Variants in EML5 observed in about 807,000 individuals in gnomAD.
EML5 encodes the protein EMAP like 5, also known as echinoderm microtubule-associated protein-like 5.
EML5 carries 120 observed loss-of-function variants against 250.0 expected under a neutral mutation model. That is an observed-to-expected ratio of 0.48 (90% CI 0.41 to 0.56). The LOEUF (loss-of-function observed/expected upper bound fraction) is 0.56, where lower values mean the gene tolerates loss of function less well. EML5 is among the 20% of genes least tolerant of loss of function. The pLI is 0.00. For synonymous variants in EML5, 771 were observed against 806.5 expected (o/e 0.96, Z 0.75); for missense variants, 2,006 against 2,437.6 (o/e 0.82, Z 3.73).
intron 14 of EML5, among the ~76,000 whole-genome samples, chr14:88,702,184 T>C (rs2093226106): frequency 6.6e-6 from 1 of 152,098 alleles, no homozygotes; most frequent in African/African-American, 2.4e-5. Flanking sequence ...ATTTAAAAAA[T>C]TAATATCATG....
chr14:88,670,866 G>GA lies in EML5; in HGVS notation c.3125-5378dup, dbSNP rs769084380. Reference sequence around the variant, plus strand: ...AAATAAGATACACTACAAGATTAGAGAAAAAAAAAAAGGATGAAAAGGAAT... The same window carrying GA: ...AAATAAGATACACTACAAGATTAGAGAAAAAAAAAAAAGGATGAAAAGGAAT... On this transcript the variant is annotated intron_variant, in intron 21 of 43. Transcript: ENST00000554922. Among the ~76,000 whole-genome samples the GA allele has an allele frequency of 2.3e-3, 328 of 141,908 alleles. 2 individuals are homozygous for GA. The highest frequency in any genetic ancestry group is 6.5e-3 in the African/African-American group (255 of 38,942). 93.1% of individuals were successfully genotyped at this position (141,908 alleles called of 152,430 possible).
chr14:88,710,556 A>G (rs1179275783), intron 10 of EML5, among the ~76,000 whole-genome samples: 1 of 152,208 alleles, frequency 6.6e-6, no homozygotes, highest in African/African-American at 2.4e-5. Flanking sequence ...TGTGAATTCA[A>G]TTAATACATA....
chr14:88,741,057 G>A (rs1018620035), intron 4 of EML5, among the ~76,000 whole-genome samples: 2 of 152,096 alleles, frequency 1.3e-5, no homozygotes, highest in Admixed American at 6.6e-5. Context: ...CAGTTACTCG[G>A]GAGGCTGAGG....
intron 27 of EML5, among the ~76,000 whole-genome samples, chr14:88,655,288 C>A (rs1296073214): frequency 6.6e-6 from 1 of 152,140 alleles, no homozygotes; most frequent in African/African-American, 2.4e-5. Context: ...ATATATAGAC[C>A]AATGGAACAG....
At position 88,696,868 on chromosome 14, in the gene EML5, C is replaced by T. The variant is rs2093091881; in HGVS notation, c.2323G>A (p.Val775Ile). Reference sequence around the variant, plus strand: ...TTACCTGAGAAATCAACGGCACTAACACCATACTGGTGGTGGCCCTTTAAT... The same window carrying T: ...TTACCTGAGAAATCAACGGCACTAATACCATACTGGTGGTGGCCCTTTAAT... ...SILKGHHQYGVSAVDFSADGK... is the reference protein window; with the variant it reads ...SILKGHHQYGISAVDFSADGK... The change falls in exon 15 of 44, where the codon GTT becomes ATT. Residue 775 changes from valine to isoleucine, a missense_variant. Physicochemically the swap from Val to Ile is conservative, Grantham distance 29. This residue lies in a region of EML5 where 1,375 missense variants were observed against 1,590.3 expected (regional missense o/e 0.86). Coordinates refer to ENST00000554922, the MANE Select transcript of EML5 (RefSeq NM_183387.3). 6.2e-7 allele frequency: 1 copy of T among 1,607,748 alleles called. No homozygotes were observed. Among genetic ancestry groups the T allele is most frequent in the African/African-American group, 1.3e-5 (1 of 74,642 alleles).
chr14:88,644,734 G>A (rs530054229), intron 29 of EML5: 40 of 402,802 alleles, frequency 9.9e-5, no homozygotes, highest in African/African-American at 6.4e-4. Context: ...TTTTTGAGAC[G>A]GAGTCTCACT....
intron 2 of EML5, among the ~76,000 whole-genome samples, chr14:88,748,817 G>C (rs1025507251): frequency 6.6e-6 from 1 of 151,890 alleles, no homozygotes; most frequent in African/African-American, 2.4e-5. Flanking sequence ...ATTAACAGCA[G>C]CTCAGACAAT....
At chr14:88,637,814 T>C (rs900265483) in intron 32 of EML5, among the ~76,000 whole-genome samples, 1 of 152,138 alleles carries the variant, frequency 6.6e-6, no homozygotes, top group Non-Finnish European at 1.5e-5. Flanking sequence ...TCCAAAATCT[T>C]AGCACAAACA....
intron 23 of EML5, among the ~76,000 whole-genome samples, chr14:88,664,010 G>C (rs1249895344): frequency 6.6e-6 from 1 of 151,928 alleles, no homozygotes. Context: ...GGGTGCAGTG[G>C]CTCATGCCTA....
chr14:88,644,975 G>A (rs1213752769), intron 29 of EML5, among the ~76,000 whole-genome samples: 1 of 151,928 alleles, frequency 6.6e-6, no homozygotes, highest in Non-Finnish European at 1.5e-5. Context: ...GCCTCCCAGA[G>A]TGCTGGGATT....
intron 2 of EML5, among the ~76,000 whole-genome samples, chr14:88,751,398 G>A (rs551909039): frequency 7.9e-5 from 12 of 152,266 alleles, no homozygotes; most frequent in Admixed American, 3.9e-4. Flanking sequence ...GAGAGATCAT[G>A]GTGCTTTCAA....
intron 21 of EML5, among the ~76,000 whole-genome samples, chr14:88,679,081 C>T (rs2092661432): frequency 2.6e-5 from 4 of 151,400 alleles, no homozygotes; most frequent in African/African-American, 9.7e-5. Flanking sequence ...ACGCTGCATT[C>T]TCCCAGTGTG....
chr14:88,621,724 C>T, intron 37 of EML5: 1 of 299,370 alleles, frequency 3.3e-6, no homozygotes, highest in South Asian at 3.2e-5. Context: ...TTTATAAATA[C>T]ACTTAATAAG....
At chr14:88,682,811 G>T (rs1045067737) in intron 20 of EML5, among the ~76,000 whole-genome samples, 1 of 152,138 alleles carries the variant, frequency 6.6e-6, no homozygotes, top group Non-Finnish European at 1.5e-5. Context: ...AGAATAATGG[G>T]GTCCTGGGGT....
intron 7 of EML5, among the ~76,000 whole-genome samples, chr14:88,731,188 T>A (rs1266011608): frequency 1.3e-5 from 2 of 151,928 alleles, no homozygotes; most frequent in African/African-American, 4.8e-5. Flanking sequence ...TCATTTACAT[T>A]AGGTATATCT....
At chr14:88,756,338 A>T (rs528735258) in intron 1 of EML5, among the ~76,000 whole-genome samples, 2 of 152,306 alleles carry the variant, frequency 1.3e-5, no homozygotes, top group East Asian at 3.9e-4. Context: ...TAAACTAGAA[A>T]CTGAAGGAAA....
chr14:88,735,119 C>A (rs1471777930), intron 7 of EML5, among the ~76,000 whole-genome samples: 1 of 152,068 alleles, frequency 6.6e-6, no homozygotes, highest in Non-Finnish European at 1.5e-5. Context: ...AATCTCAATT[C>A]CTAAATTTGA....
rs138567744 is a variant in EML5, at chr14:88,737,622, A to G, written c.848-1057T>C. 3.9e-5 allele frequency among the ~76,000 whole-genome samples: 6 copies of G among 152,344 alleles called. No homozygotes were observed. In the East Asian group the frequency reaches 9.6e-4, roughly 24 times the overall value. The stretch of plus-strand genomic sequence containing the variant: ...AATTGAAGTTAATTTTGTACCTTTT[A>G]TATCTTAGATGTGAGACAGAAGAAA... On this transcript the variant is annotated intron_variant, in intron 6 of 43. Coordinates refer to ENST00000554922, the MANE Select transcript of EML5 (RefSeq NM_183387.3).
At chr14:88,770,573 T>C (rs2094380916) in intron 1 of EML5, among the ~76,000 whole-genome samples, 1 of 152,100 alleles carries the variant, frequency 6.6e-6, no homozygotes, top group Admixed American at 6.6e-5. Flanking sequence ...GGATTAATAT[T>C]GGATAGGAGC....
Sources: gnomAD v4.1 joint callset for allele counts (sites outside exome capture counted in the v4.1 genomes callset) on GRCh38, gnomAD v4.1.1 for gene constraint, gnomAD v4.1.1 regional missense constraint, MANE v1.5 for transcripts, NCBI Gene and HGNC (gene_info 2026-07-23, HGNC 2026-07-21) for gene names.